Variants in FH observed in about 807,000 individuals in gnomAD.
FH encodes the protein fumarate hydratase.
In FH, 22 loss-of-function variants were observed where a neutral mutation model predicts 49.4. The observed-to-expected ratio is 0.45, with a 90% CI of 0.32 to 0.64. The LOEUF is 0.64. Ranked by LOEUF, FH falls within the 30% of genes least tolerant of loss-of-function variation. The pLI is 0.05. For missense variants in FH, 526 were observed against 641.5 expected (o/e 0.82, Z 1.95); for synonymous variants, 208 against 223.0 (o/e 0.93, Z 0.60).
At position 241,497,718 on chromosome 1, in the gene FH, G is replaced by A; in HGVS notation, c.*110C>T. On this transcript the variant is annotated 3_prime_UTR_variant, in exon 10 of 10. Transcript: ENST00000366560. ...ATACTGATCAAATTGCTCTGCTAGA[G>A]ATGCTTAAGTTCAATAGCAGTTTCC... is the stretch of plus-strand genomic sequence containing the variant. 1.0e-6 allele frequency: 1 copy of A among 967,972 alleles called. No individual in the cohort carries two copies. The highest frequency in any genetic ancestry group is 1.6e-6 in the Non-Finnish European group (1 of 641,080). 60.0% of individuals were successfully genotyped at this position (967,972 alleles called of 1,614,324 possible).
At chr1:241,505,337 C>T (rs1279666957) in intron 6 of FH, among the ~76,000 whole-genome samples, 3 of 152,200 alleles carry the variant, frequency 2.0e-5, no homozygotes, top group Non-Finnish European at 4.4e-5. Context: ...TCAGTTAACC[C>T]CCATGTTAAA....
rs566235345 is a variant in FH at position 241,511,448 on chromosome 1, C to T, written c.555+519G>A. On this transcript the variant is annotated intron_variant, in intron 4 of 9. Transcript: ENST00000366560. ...ATCGCAAAAGACCAAGAAACTGTCA[C>T]AGATTAGAAGAAACCAAGGGGACAT... Among the ~76,000 whole-genome samples, 5 of 152,170 alleles carry T rather than the reference C, an allele frequency of 3.3e-5. No homozygotes were observed. The East Asian group carries it at 9.7e-4, about 29-fold the overall frequency.
chr1:241,513,920 G>C (rs1016633081), intron 2 of FH, among the ~76,000 whole-genome samples: 3 of 151,918 alleles, frequency 2.0e-5, no homozygotes, highest in Admixed American at 2.0e-4. Context: ...TTTGTTTAAG[G>C]AACCAAATAA....
chr1:241,508,813 A>G lies in FH; in HGVS notation c.556-28T>C, dbSNP rs199773673. ...GTTGGAAATTTTTCAAAAGAAATAT[A>G]AAATGTTAAATCAGAGGCAACAAAA... On this transcript the variant is annotated intron_variant, in intron 4 of 9. Coordinates refer to ENST00000366560, the MANE Select transcript of FH (RefSeq NM_000143.4). 1.4e-3 allele frequency: 2,265 copies of G among 1,601,030 alleles called. 1 individual carries two copies. Among genetic ancestry groups the G allele is most frequent in the Non-Finnish European group, 1.8e-3 (2,053 of 1,169,518 alleles).
rs1246116864 is a variant in FH, at chr1:241,519,724, G to C, written c.-2C>G. 2 of 1,534,320 alleles carry C rather than the reference G, an allele frequency of 1.3e-6. No homozygotes were observed. Among genetic ancestry groups the C allele is most frequent in the African/African-American group, 1.4e-5 (1 of 72,054 alleles). Reference sequence around the variant, plus strand: ...GAGGAGCCGAAGTGCTCGGTACATGGTGCTGAGGGAGCTTGGGTAGAATTT... The same window carrying C: ...GAGGAGCCGAAGTGCTCGGTACATGCTGCTGAGGGAGCTTGGGTAGAATTT... On this transcript the variant is annotated 5_prime_UTR_variant, in exon 1 of 10. Transcript: ENST00000366560.
chr1:241,511,472 A>G (rs1354249420), intron 4 of FH, among the ~76,000 whole-genome samples: 8 of 152,220 alleles, frequency 5.3e-5, no homozygotes, highest in Admixed American at 1.3e-4. Context: ...CCAAGGGGAC[A>G]TGTGACTAAA....
chr1:241,517,657 T>C (rs1477201341), intron 1 of FH, among the ~76,000 whole-genome samples: 1 of 152,292 alleles, frequency 6.6e-6, no homozygotes, highest in East Asian at 1.9e-4. Context: ...CTTAGTTTAA[T>C]GCTTATTTTA....
At chr1:241,514,888 G>A (rs1240011407) in intron 2 of FH, among the ~76,000 whole-genome samples, 1 of 152,170 alleles carries the variant, frequency 6.6e-6, no homozygotes, top group Admixed American at 6.5e-5. Flanking sequence ...AACAAACACT[G>A]AGGTAGTGGG....
chr1:241,509,176 A>G (rs1414413138), intron 4 of FH, among the ~76,000 whole-genome samples: 3 of 151,484 alleles, frequency 2.0e-5, no homozygotes, highest in East Asian at 3.9e-4. Flanking sequence ...CAGCAGTAGT[A>G]TCTTCAATGT....
At chr1:241,505,030 T>C (rs907413564) in intron 6 of FH, among the ~76,000 whole-genome samples, 33 of 151,286 alleles carry the variant, frequency 2.2e-4, no homozygotes, top group African/African-American at 8.0e-4. Context: ...TGCCTCAGCC[T>C]CCCAAGTAGC....
chr1:241,504,189 G>C lies in FH; in HGVS notation c.961C>G (p.Leu321Val), dbSNP rs763077972. ...KFEALAAHDA[L>V]VELSGAMNTT... ...TTCATGGCTCCACTGAGCTCAACCA[G>C]AGCGTCATGAGCAGCCAGAGCTTCA... The change falls in exon 7 of 10, where the codon CTG becomes GTG. Residue 321 changes from leucine (L) to valine (V), a missense_variant. By Grantham distance (32) the Leu-to-Val change is conservative. Coordinates refer to ENST00000366560, the MANE Select transcript of FH (RefSeq NM_000143.4). The C allele has an allele frequency of 1.9e-6, 3 of 1,614,090 alleles. No homozygotes were observed. The highest frequency in any genetic ancestry group is 1.1e-5 in the South Asian group (1 of 91,084).
At chr1:241,505,971 G>GA in intron 6 of FH, 32 bp downstream of exon 6, 2 of 1,607,494 alleles carry the variant, frequency 1.2e-6, no homozygotes, top group Non-Finnish European at 8.5e-7. Flanking sequence ...AATGAGAAAT[G>GA]AAAATGAGAA....
In FH at chr1:241,508,663, T is replaced by A. The variant is rs757078832; in HGVS notation, c.678A>T (p.Ala226=). 1 of 1,613,926 alleles carries A rather than the reference T, an allele frequency of 6.2e-7. No individual in the cohort carries two copies. The highest frequency in any genetic ancestry group is 1.1e-5 in the South Asian group (1 of 91,082). ...DALDAKSKEF[A]QIIKIGRTHT... is the part of the protein sequence containing the mutation. ...GAGTACGTCCAATCTTGATGATCTG[T>A]GCAAACTCTTTGGATTTTGCATCAA... Residue 226 remains alanine (A), a synonymous_variant, in exon 5 of 10, where the codon GCA becomes GCT. Transcript: ENST00000366560.
chr1:241,503,122 A>G (rs547681133), intron 7 of FH, among the ~76,000 whole-genome samples: 16 of 152,272 alleles, frequency 1.1e-4, no homozygotes, highest in African/African-American at 3.1e-4. Context: ...AACAACCCAG[A>G]TTCCTCTGAC....
At chr1:241,519,391 G>C in intron 1 of FH, 200 bp downstream of exon 1, 1 of 609,916 alleles carries the variant, frequency 1.6e-6, no homozygotes, top group Non-Finnish European at 2.6e-6. Context: ...CGCTCTCCCG[G>C]GCTGCGGCTC....
rs367826177 is a variant in FH at position 241,519,688 on chromosome 1, C to A, written c.35G>T (p.Arg12Leu). 13 of 1,546,712 alleles carry A rather than the reference C, an allele frequency of 8.4e-6. No homozygotes were observed. The African/African-American group carries it at 1.8e-4, about 21-fold the overall frequency. The change falls in exon 1 of 10, where the codon CGT becomes CTT. Residue 12 changes from arginine (R) to leucine (L), a missense_variant. Arg to Leu is a moderately radical substitution (Grantham distance 102). This residue lies in a region of FH where 143 missense variants were observed against 127.5 expected (regional missense o/e 1.12). Transcript: ENST00000366560. ...TGCGGCTGGAGCCCGCACGAGGGGA[C>A]GCGAGCGCGCGAGGAGCCGAAGTGC... is the stretch of plus-strand genomic sequence containing the variant. ...YRALRLLARS[R>L]PLVRAPAAAL...
chr1:241,519,439 G>T (rs1233272692), intron 1 of FH, 152 bp downstream of exon 1: 2 of 941,732 alleles, frequency 2.1e-6, no homozygotes, highest in Non-Finnish European at 3.0e-6. Flanking sequence ...AGGCCGGGAG[G>T]CCCGCCACGC....
In FH at chr1:241,502,511, T is replaced by A. The variant is rs863223974; in HGVS notation, c.1168A>T (p.Asn390Tyr). Residue 390 changes from asparagine (N) to tyrosine (Y), a missense_variant, in exon 8 of 10, where the codon AAC becomes TAC. Asn to Tyr is a moderately radical substitution (Grantham distance 143). Transcript: ENST00000366560. ...CCTCCGACAGTGACAGCAACATGGT[T>A]CCCCATGACTTGGGCTGCAACCATG... ...MTMVAAQVMG[N>Y]HVAVTVGGSN... 1 of 1,614,140 alleles carries A rather than the reference T, an allele frequency of 6.2e-7. No individual in the cohort carries two copies. The highest frequency in any genetic ancestry group is 1.7e-5 in the Admixed American group (1 of 60,020).
At chr1:241,518,845 T>G (rs942957556) in intron 1 of FH, among the ~76,000 whole-genome samples, 1 of 152,270 alleles carries the variant, frequency 6.6e-6, no homozygotes, top group Admixed American at 6.5e-5. Context: ...TGTCATAACC[T>G]GAACTTGGAT....
Sources: gnomAD v4.1 joint callset for allele counts (sites outside exome capture counted in the v4.1 genomes callset) on GRCh38, gnomAD v4.1.1 for gene constraint, gnomAD v4.1.1 regional missense constraint, MANE v1.5 for transcripts, NCBI Gene and HGNC (gene_info 2026-07-23, HGNC 2026-07-21) for gene names.